IFNGR2: variants seen among roughly 807,000 people sequenced by gnomAD.
IFNGR2 encodes IFN-gamma receptor 2.
A neutral mutation model predicts 41.1 loss-of-function variants in IFNGR2; 15 were observed. The observed-to-expected ratio is 0.37, with a 90% CI of 0.24 to 0.56. IFNGR2 has a LOEUF of 0.56. IFNGR2 is among the 20% of genes least tolerant of loss of function. IFNGR2 has a pLI of 0.81. For synonymous variants in IFNGR2, 161 were observed against 171.6 expected, an observed-to-expected ratio of 0.94 and a Z score of 0.48; for missense variants, 362 against 415.7, an observed-to-expected ratio of 0.87 and a Z score of 1.12.
chr21:33,421,628 C>G lies in IFNGR2; in HGVS notation c.355C>G (p.Leu119Val). 1 of 1,614,114 alleles carries G rather than the reference C, an allele frequency of 6.2e-7. No homozygotes were observed. Among genetic ancestry groups the G allele is most frequent in the Non-Finnish European group, 8.5e-7 (1 of 1,180,008 alleles). The change falls in exon 3 of 7, where the codon CTG becomes GTG. Residue 119 changes from leucine to valine, a missense_variant. Transcript: ENST00000290219. ...TGTCACTCTACGCCTTCGAGCTGAG[C>G]TGGGAGCACTCCATTCTGCCTGGGT... ...FNVTLRLRAE[L>V]GALHSAWVTM... is the part of the protein sequence containing the mutation.
chr21:33,412,089 A>T (rs548100035), intron 1 of IFNGR2, among the ~76,000 whole-genome samples: 1 of 152,206 alleles, frequency 6.6e-6, no homozygotes, highest in South Asian at 2.1e-4. Context: ...ACGCCCAGCT[A>T]AATCTGGGTT....
chr21:33,405,228 A>C (rs1451183859), intron 1 of IFNGR2, among the ~76,000 whole-genome samples: 1 of 152,156 alleles, frequency 6.6e-6, no homozygotes, highest in South Asian at 2.1e-4. Context: ...GAGTGATATC[A>C]TAGGAGTCTC....
At chr21:33,435,063 G>C (rs373230341) in intron 6 of IFNGR2, among the ~76,000 whole-genome samples, 1 of 152,204 alleles carries the variant, frequency 6.6e-6, no homozygotes, top group African/African-American at 2.4e-5. Flanking sequence ...TCCTCTTTCA[G>C]TCAGTCAGCT....
intron 6 of IFNGR2, among the ~76,000 whole-genome samples, chr21:33,434,662 C>T (rs1278366235): frequency 6.6e-6 from 1 of 152,192 alleles, no homozygotes; most frequent in Non-Finnish European, 1.5e-5. Flanking sequence ...TCCAAGTCTG[C>T]AGAAACATAG....
intron 4 of IFNGR2, among the ~76,000 whole-genome samples, chr21:33,431,693 C>G (rs2083889421): frequency 6.6e-6 from 1 of 152,250 alleles, no homozygotes; most frequent in African/African-American, 2.4e-5. Context: ...CCCTCAGCCT[C>G]CCATGTAGCT....
chr21:33,413,300 G>A (rs2083729789), intron 1 of IFNGR2, among the ~76,000 whole-genome samples: 1 of 152,200 alleles, frequency 6.6e-6, no homozygotes, highest in African/African-American at 2.4e-5. Flanking sequence ...GATGTCATGA[G>A]GCCTGCTGTG....
At chr21:33,422,590 G>A (rs745542928) in intron 3 of IFNGR2, among the ~76,000 whole-genome samples, 5 of 152,078 alleles carry the variant, frequency 3.3e-5, no homozygotes, top group Non-Finnish European at 7.4e-5. Context: ...AATAAAAAGA[G>A]TTCCTGCTGG....
intron 2 of IFNGR2, among the ~76,000 whole-genome samples, chr21:33,420,204 G>A (rs1226949047): frequency 1.3e-5 from 2 of 152,198 alleles, no homozygotes; most frequent in Non-Finnish European, 2.9e-5. Context: ...AGAAGCATGT[G>A]TGGTACGTGA....
At chr21:33,407,119 C>G (rs2083683009) in intron 1 of IFNGR2, among the ~76,000 whole-genome samples, 1 of 152,068 alleles carries the variant, frequency 6.6e-6, no homozygotes, top group African/African-American at 2.4e-5. Context: ...AGTAAATCAA[C>G]TGACCAGTTA....
At chr21:33,421,352 C>CG (rs71322208) in intron 2 of IFNGR2, 128 bp from the exon 3 acceptor site, 27 of 565,486 alleles carry the variant, frequency 4.8e-5, no homozygotes, top group East Asian at 1.6e-4. Context: ...AAAAAAAAAG[C>CG]GGGGGGGAAC....
chr21:33,424,414 C>T (rs2083818915), intron 3 of IFNGR2, among the ~76,000 whole-genome samples: 1 of 152,196 alleles, frequency 6.6e-6, no homozygotes, highest in Non-Finnish European at 1.5e-5. Context: ...CCGCTTCCGG[C>T]CGGAGTCAAG....
At chr21:33,410,056 G>A (rs983772324) in intron 1 of IFNGR2, among the ~76,000 whole-genome samples, 1 of 152,010 alleles carries the variant, frequency 6.6e-6, no homozygotes, top group East Asian at 1.9e-4. Flanking sequence ...CCTTGCCTTC[G>A]GGGAAGTTTA....
intron 5 of IFNGR2, 86 bp from the exon 6 acceptor site, chr21:33,432,628 C>CT: frequency 6.8e-7 from 1 of 1,465,778 alleles, no homozygotes; most frequent in Non-Finnish European, 9.6e-7. Context: ...CAGGAATGCT[C>CT]TTTAAGCAGC....
chr21:33,432,037 C>A, intron 4 of IFNGR2, 140 bp from the exon 5 acceptor site: 1 of 773,108 alleles, frequency 1.3e-6, no homozygotes, highest in Non-Finnish European at 2.3e-6. Context: ...GTGTCCACTG[C>A]CAGCCAGTGA....
Position 33,403,539 on chromosome 21 carries a change from G to C in IFNGR2, c.-5G>C. ...GACCTGAGCCGCCGCCGAGCGCCCGGGGCCATGCGACCGACGCTGCTGTGG... is the reference window on the plus strand; with the variant it reads ...GACCTGAGCCGCCGCCGAGCGCCCGCGGCCATGCGACCGACGCTGCTGTGG... On this transcript the variant is annotated 5_prime_UTR_variant, in exon 1 of 7. Transcript: ENST00000290219. 2 of 1,310,118 alleles carry C rather than the reference G, an allele frequency of 1.5e-6. No homozygotes were observed. The highest frequency in any genetic ancestry group is 2.0e-6 in the Non-Finnish European group (2 of 1,022,510). 81.2% of individuals were successfully genotyped at this position (1,310,118 alleles called of 1,614,324 possible). A position where few individuals can be genotyped will look rare whatever the true frequency, so the allele number is the denominator to read the frequency against.
At chr21:33,423,583 T>A (rs1220689937) in intron 3 of IFNGR2, among the ~76,000 whole-genome samples, 1 of 151,492 alleles carries the variant, frequency 6.6e-6, no homozygotes, top group Non-Finnish European at 1.5e-5. Context: ...TTTGTATTTT[T>A]AGTAGAGACG....
chr21:33,437,076 G>T lies in IFNGR2; in HGVS notation c.*114G>T. The stretch of plus-strand genomic sequence containing the variant: ...GTATTCCCTTTTGCTGCCTCTAAAA[G>T]GCCTGTCCCTGCAGACATGAGAGAC... On this transcript the variant is annotated 3_prime_UTR_variant, in exon 7 of 7. Transcript: ENST00000290219. 9.4e-7 allele frequency: 1 copy of T among 1,059,324 alleles called. No homozygotes were observed. The allele number at this position is 1,059,324 out of a possible 1,614,324, so 65.6% of individuals were successfully genotyped here.
chr21:33,408,822 G>C (rs1296451479), intron 1 of IFNGR2, among the ~76,000 whole-genome samples: 1 of 152,158 alleles, frequency 6.6e-6, no homozygotes, highest in Non-Finnish European at 1.5e-5. Context: ...AAGAGTTGAA[G>C]AAAGTCCAAT....
intron 2 of IFNGR2, among the ~76,000 whole-genome samples, chr21:33,421,098 A>C (rs2083788176): frequency 6.6e-6 from 1 of 151,982 alleles, no homozygotes; most frequent in South Asian, 2.1e-4. Flanking sequence ...TTGGGAGGCC[A>C]AGGCAGGTGG....
Sources: gnomAD v4.1 joint callset for allele counts (sites outside exome capture counted in the v4.1 genomes callset) on GRCh38, gnomAD v4.1.1 for gene constraint, MANE v1.5 for transcripts, NCBI Gene and HGNC (gene_info 2026-07-23, HGNC 2026-07-21) for gene names.